Variants in MCCC1 observed in about 807,000 individuals in gnomAD.
The protein encoded by MCCC1 is methylcrotonoyl-CoA carboxylase subunit alpha, mitochondrial.
Under a neutral mutation model 83.8 loss-of-function variants are expected in MCCC1, and 64 were observed. The observed-to-expected ratio is 0.76, with a 90% CI of 0.62 to 0.94. The LOEUF (loss-of-function observed/expected upper bound fraction) is 0.94. Among genes scored for constraint, MCCC1 ranks in the 40% least tolerant of loss-of-function variants. The pLI, the probability that MCCC1 is intolerant of heterozygous loss-of-function variation, is 0.00. For synonymous variants in MCCC1, 322 were observed against 315.4 expected (o/e 1.02, Z -0.22); for missense variants, 807 against 904.7 (o/e 0.89, Z 1.39).
intron 13 of MCCC1, 34 bp from the exon 14 acceptor site, chr3:183,034,111 T>C (rs373614966): frequency 4.7e-5 from 66 of 1,396,674 alleles, no homozygotes; most frequent in African/African-American, 7.1e-5. Flanking sequence ...AACAAACTTA[T>C]GAGTATCAAG....
At chr3:183,067,365 C>T (rs1716331662) in intron 7 of MCCC1, among the ~76,000 whole-genome samples, 2 of 152,182 alleles carry the variant, frequency 1.3e-5, no homozygotes, top group African/African-American at 2.4e-5. Flanking sequence ...TCTGACATTC[C>T]TTATGGAAGA....
At chr3:183,041,245 G>A (rs1055106335) in intron 11 of MCCC1, among the ~76,000 whole-genome samples, 2 of 152,164 alleles carry the variant, frequency 1.3e-5, no homozygotes, top group African/African-American at 2.4e-5. Flanking sequence ...TCTGCCTTGT[G>A]CATAGCAGAT....
intron 16 of MCCC1, 57 bp from the exon 17 acceptor site, chr3:183,020,294 T>A: frequency 3.1e-6 from 4 of 1,278,238 alleles, no homozygotes; most frequent in Non-Finnish European, 4.5e-6. Context: ...ATATTTTTAC[T>A]AATATACCTG....
At chr3:183,075,563 CAG>C (rs61414045) in intron 4 of MCCC1, among the ~76,000 whole-genome samples, 134,056 of 149,446 alleles carry the variant, frequency 0.9, 60,455 homozygotes, top group East Asian at 1. Flanking sequence ...TTTTTTGAGA[CAG>C]AGTCTTGCTC....
chr3:183,088,523 C>G (rs1252418985), intron 3 of MCCC1, among the ~76,000 whole-genome samples: 1 of 152,172 alleles, frequency 6.6e-6, no homozygotes, highest in Non-Finnish European at 1.5e-5. Flanking sequence ...TTACTTTTAA[C>G]TCCACAAAAC....
At position 183,015,501 on chromosome 3, in the gene MCCC1, G is replaced by T; in HGVS notation, c.2115C>A (p.Ala705=). 2 of 1,614,034 alleles carry T rather than the reference G, an allele frequency of 1.2e-6. No homozygotes were observed. The highest frequency in any genetic ancestry group is 1.7e-6 in the Non-Finnish European group (2 of 1,179,942). Residue 705 remains alanine, a synonymous_variant, in exon 19 of 19, where the codon GCC becomes GCA. Coordinates refer to ENST00000265594, the MANE Select transcript of MCCC1 (RefSeq NM_020166.5). ...KKVFYREGAQ[A]NRHTPLVEFE... ...ACTCGACTAAAGGAGTGTGTCTGTTGGCCTGAGCACCTTCTCTGTAGAACA... is the reference window on the plus strand; with the variant it reads ...ACTCGACTAAAGGAGTGTGTCTGTTTGCCTGAGCACCTTCTCTGTAGAACA...
chr3:183,035,059 A>T (rs1341255185), intron 13 of MCCC1, among the ~76,000 whole-genome samples: 2 of 152,168 alleles, frequency 1.3e-5, no homozygotes, highest in Non-Finnish European at 2.9e-5. Context: ...GATTACAGGC[A>T]TGAGCCACCG....
In MCCC1 at chr3:183,039,103, T is replaced by C; in HGVS notation, c.1300A>G (p.Ile434Val). 1 of 1,614,220 alleles carries C rather than the reference T, an allele frequency of 6.2e-7. No individual in the cohort carries two copies. Among genetic ancestry groups the C allele is most frequent in the Non-Finnish European group, 8.5e-7 (1 of 1,180,038 alleles). Residue 434 changes from isoleucine (I) to valine (V), a missense_variant, in exon 12 of 19, where the codon ATT becomes GTT. Transcript: ENST00000265594. ...DEVSVHYDPM[I>V]AKLVVWAADR... ...GCTGCCCACACGACCAGCTTCGCAA[T>C]CATGGGGTCATAATGCACGGAAACT...
intron 12 of MCCC1, 124 bp from the exon 13 acceptor site, chr3:183,037,558 A>G (rs1713728564): frequency 1.2e-6 from 1 of 852,398 alleles, no homozygotes; most frequent in Non-Finnish European, 1.9e-6. Flanking sequence ...TAAAAAACCT[A>G]CTAAGGTACC....
At chr3:183,028,683 TAGTA>T (rs1712804438) in intron 14 of MCCC1, among the ~76,000 whole-genome samples, 1 of 152,176 alleles carries the variant, frequency 6.6e-6, no homozygotes, top group African/African-American at 2.4e-5. Context: ...GTGGTAGAAA[TAGTA>T]AGGGAGCTAG....
intron 7 of MCCC1, among the ~76,000 whole-genome samples, chr3:183,062,161 T>C (rs1318993676): frequency 6.6e-6 from 1 of 152,104 alleles, no homozygotes; most frequent in East Asian, 1.9e-4. Context: ...TTATAAATTA[T>C]CCAGTTGCAG....
chr3:183,078,286 C>A (rs1717229386), intron 4 of MCCC1, among the ~76,000 whole-genome samples: 2 of 152,190 alleles, frequency 1.3e-5, no homozygotes, highest in African/African-American at 4.8e-5. Context: ...TCCCAAAATG[C>A]TGGGGATTAC....
intron 18 of MCCC1, chr3:183,016,996 G>C (rs1227744449): frequency 2.0e-6 from 1 of 493,054 alleles, no homozygotes; most frequent in African/African-American, 1.9e-5. Flanking sequence ...AATACCAACA[G>C]TTAACATTCA....
rs546406660 is a variant in MCCC1 at position 183,053,814 on chromosome 3, A to C, written c.874-1574T>G. 2.0e-3 allele frequency among the ~76,000 whole-genome samples: 295 copies of C among 146,036 alleles called. 1 individual carries two copies. Among genetic ancestry groups the C allele is most frequent in the African/African-American group, 6.4e-3 (245 of 38,270 alleles). On this transcript the variant is annotated intron_variant, in intron 8 of 18. Coordinates refer to ENST00000265594, the MANE Select transcript of MCCC1 (RefSeq NM_020166.5). ...AGTGAGGCTCTGTCTCAAAAAAAAA[A>C]CAAAAAAAAACAAAAAAAAATTAAA...
chr3:183,057,025 C>T (rs1395170476), intron 8 of MCCC1, among the ~76,000 whole-genome samples: 4 of 152,152 alleles, frequency 2.6e-5, no homozygotes, highest in African/African-American at 9.7e-5. Context: ...TGCGTTGAAA[C>T]CTCACTAGAC....
intron 1 of MCCC1, among the ~76,000 whole-genome samples, chr3:183,098,303 T>G (rs1419556878): frequency 6.6e-6 from 1 of 152,228 alleles, no homozygotes; most frequent in Non-Finnish European, 1.5e-5. Context: ...TCTACAATAT[T>G]TCTGGAAAAT....
At chr3:183,096,858 T>G (rs1327787906) in intron 1 of MCCC1, among the ~76,000 whole-genome samples, 1 of 152,222 alleles carries the variant, frequency 6.6e-6, no homozygotes, top group Non-Finnish European at 1.5e-5. Flanking sequence ...CCCTTTACAT[T>G]CTTCAGATAG....
At chr3:183,040,343 C>T (rs1713971687) in intron 11 of MCCC1, among the ~76,000 whole-genome samples, 1 of 151,726 alleles carries the variant, frequency 6.6e-6, no homozygotes. Flanking sequence ...TCAAACATAC[C>T]TTTTTCTCTT....
At chr3:183,077,064 G>C (rs906604640) in intron 4 of MCCC1, among the ~76,000 whole-genome samples, 3 of 152,104 alleles carry the variant, frequency 2.0e-5, no homozygotes, top group Admixed American at 2.0e-4. Flanking sequence ...ACACAAATCA[G>C]TACTTCATTC....
Sources: gnomAD v4.1 joint callset for allele counts (sites outside exome capture counted in the v4.1 genomes callset) on GRCh38, gnomAD v4.1.1 for gene constraint, MANE v1.5 for transcripts, NCBI Gene and HGNC (gene_info 2026-07-23, HGNC 2026-07-21) for gene names.